SNX27: variants seen among roughly 807,000 people sequenced by gnomAD.
SNX27 encodes sorting nexin-27.
A neutral mutation model predicts 71.6 loss-of-function variants in SNX27; 22 were observed. That is an observed-to-expected ratio of 0.31 (90% CI 0.22 to 0.44). The LOEUF (loss-of-function observed/expected upper bound fraction) is 0.44, where lower values mean the gene tolerates loss of function less well. Ranked by LOEUF, SNX27 falls within the 20% of genes least tolerant of loss-of-function variation. The pLI is 1.00. For synonymous variants in SNX27, 269 were observed against 277.2 expected (o/e 0.97, Z 0.29); for missense variants, 531 against 698.6 (o/e 0.76, Z 2.70).
rs560433237 is a variant in SNX27 at position 151,612,797 on chromosome 1, G to T, written c.311+285G>T. On this transcript the variant is annotated intron_variant, in intron 1 of 11. Transcript: ENST00000458013. The surrounding 1 kb of genome is among the most constrained non-coding windows in gnomAD (Gnocchi z 5.2). ...CCCCGATTACTCTGGGCTCTTCTCCGCCCCTTTGCCTTCCCGTTTGGCGTG... is the reference window on the plus strand; with the variant it reads ...CCCCGATTACTCTGGGCTCTTCTCCTCCCCTTTGCCTTCCCGTTTGGCGTG... Among the ~76,000 whole-genome samples, 3 of 151,958 alleles carry T rather than the reference G, an allele frequency of 2.0e-5. No homozygotes were observed. Among genetic ancestry groups the T allele is most frequent in the South Asian group, 4.1e-4 (2 of 4,820 alleles).
chr1:151,685,998 C>T (rs1204346126), intron 8 of SNX27, among the ~76,000 whole-genome samples: 2 of 152,154 alleles, frequency 1.3e-5, no homozygotes, highest in Non-Finnish European at 2.9e-5. Flanking sequence ...GCATTGTCTT[C>T]TATATATTAA....
intron 1 of SNX27, among the ~76,000 whole-genome samples, chr1:151,638,136 G>A (rs1305295204): frequency 6.6e-6 from 1 of 152,188 alleles, no homozygotes; most frequent in African/African-American, 2.4e-5. Context: ...AAACAGGAAG[G>A]AAAATTAGTA....
chr1:151,632,526 A>C (rs1391306325), intron 1 of SNX27, among the ~76,000 whole-genome samples: 1 of 152,232 alleles, frequency 6.6e-6, no homozygotes, highest in Non-Finnish European at 1.5e-5. Context: ...ATTAAGACAA[A>C]AAAGCCAAAG....
rs76803336 is a variant in SNX27, at chr1:151,646,882, G to GACACACAC, written c.543+7777_543+7784dup. ...CTCTCTGTTGCCCAGGCTGGACACA[G>GACACACAC]ACACACACACACACACACACAAACA... is the stretch of plus-strand genomic sequence containing the variant. On this transcript the variant is annotated intron_variant, in intron 2 of 11. Transcript: ENST00000458013. 8.7e-3 allele frequency among the ~76,000 whole-genome samples: 1,300 copies of GACACACAC among 148,656 alleles called. 13 individuals carry two copies. The highest frequency in any genetic ancestry group is 0.028 in the African/African-American group (1,156 of 40,566).
At chr1:151,688,122 A>G (rs548267243) in intron 8 of SNX27, among the ~76,000 whole-genome samples, 1 of 152,184 alleles carries the variant, frequency 6.6e-6, no homozygotes, top group Non-Finnish European at 1.5e-5. Context: ...TTCGGGATAC[A>G]TAGTTACTCA....
intron 1 of SNX27, among the ~76,000 whole-genome samples, chr1:151,619,420 C>T (rs1667570365): frequency 6.6e-6 from 1 of 152,190 alleles, no homozygotes; most frequent in Admixed American, 6.6e-5. Context: ...TCACCTTAGC[C>T]TTCCAGAAAG....
intron 7 of SNX27, among the ~76,000 whole-genome samples, chr1:151,671,619 T>C (rs1210216163): frequency 2.0e-5 from 3 of 152,088 alleles, no homozygotes; most frequent in African/African-American, 7.2e-5. Flanking sequence ...GTTTTTTTTT[T>C]CTATTTTTGT....
At chr1:151,656,223 C>CAA (rs71093203) in intron 2 of SNX27, among the ~76,000 whole-genome samples, 849 of 77,100 alleles carry the variant, frequency 0.011, 26 homozygotes, top group African/African-American at 0.035. Context: ...GACTCCGTCT[C>CAA]AAAAAAAAAA....
chr1:151,670,075 C>G (rs1670392847), intron 7 of SNX27, among the ~76,000 whole-genome samples: 1 of 152,130 alleles, frequency 6.6e-6, no homozygotes, highest in South Asian at 2.1e-4. Context: ...TGGTAACCAT[C>G]CTACTCTCTA....
At position 151,612,098 on chromosome 1, in the gene SNX27, T is replaced by A; in HGVS notation, c.-104T>A. 8.3e-7 allele frequency: 1 copy of A among 1,202,894 alleles called. No homozygotes were observed. The highest frequency in any genetic ancestry group is 2.7e-5 in the South Asian group (1 of 36,688). The allele number at this position is 1,202,894 out of a possible 1,614,324, so 74.5% of individuals were successfully genotyped here. ...CCGAGTCGGTCCCGCGGCCGGCGGA[T>A]CGGGCGCGCGCGTCGGGGGTCGTCC... is the stretch of plus-strand genomic sequence containing the variant. On this transcript the variant is annotated 5_prime_UTR_variant, in exon 1 of 12. Transcript: ENST00000458013. The surrounding 1 kb of genome is among the most constrained non-coding windows in gnomAD (Gnocchi z 5.2).
At chr1:151,638,506 G>A (rs1027050100) in intron 1 of SNX27, among the ~76,000 whole-genome samples, 1 of 152,192 alleles carries the variant, frequency 6.6e-6, no homozygotes, top group Non-Finnish European at 1.5e-5. Context: ...AATTCAAGTG[G>A]CAGGGCTGTC....
intron 1 of SNX27, among the ~76,000 whole-genome samples, chr1:151,622,339 A>G (rs1287091110): frequency 6.6e-6 from 1 of 152,182 alleles, no homozygotes; most frequent in Non-Finnish European, 1.5e-5. Context: ...AATTGAATAT[A>G]TAGGAAATGG....
At chr1:151,648,626 C>G (rs1308749554) in intron 2 of SNX27, among the ~76,000 whole-genome samples, 1 of 152,050 alleles carries the variant, frequency 6.6e-6, no homozygotes, top group East Asian at 1.9e-4. Flanking sequence ...TCCATGTTGT[C>G]CAAGCTGGTC....
At chr1:151,658,535 C>A in intron 3 of SNX27, 108 bp downstream of exon 3, 2 of 1,127,318 alleles carry the variant, frequency 1.8e-6, no homozygotes, top group Non-Finnish European at 2.5e-6. Flanking sequence ...GAATGTAAGT[C>A]AGGTTTCTGA....
intron 6 of SNX27, chr1:151,666,405 A>G (rs1670191047): frequency 6.4e-6 from 1 of 155,898 alleles, no homozygotes; most frequent in African/African-American, 2.4e-5. Context: ...TTAGGAAGAT[A>G]TGTGTTGGTT....
intron 1 of SNX27, among the ~76,000 whole-genome samples, chr1:151,623,298 A>G (rs922044614): frequency 6.6e-6 from 1 of 152,104 alleles, no homozygotes; most frequent in Admixed American, 6.6e-5. Flanking sequence ...GGGCCACCAT[A>G]CTTGGCTAAT....
rs886333031 is a variant in SNX27 at position 151,644,335 on chromosome 1, C to T, written c.543+5216C>T. Reference sequence around the variant, plus strand: ...CAATTCTAGGAAAGCACTAATCTATCCTCTGTCTTATAGATTTGCGTATTC... The same window carrying T: ...CAATTCTAGGAAAGCACTAATCTATTCTCTGTCTTATAGATTTGCGTATTC... On this transcript the variant is annotated intron_variant, in intron 2 of 11. Transcript: ENST00000458013. Among the ~76,000 whole-genome samples, 12 of 152,318 alleles carry T rather than the reference C, an allele frequency of 7.9e-5. No individual in the cohort carries two copies. In the South Asian group the frequency reaches 2.5e-3, roughly 32 times the overall value.
intron 5 of SNX27, among the ~76,000 whole-genome samples, chr1:151,664,127 GAT>G (rs1027500506): frequency 6.9e-6 from 1 of 145,936 alleles, no homozygotes; most frequent in African/African-American, 2.5e-5. Context: ...AATAACATAT[GAT>G]ATGTTACATA....
intron 2 of SNX27, among the ~76,000 whole-genome samples, chr1:151,645,129 T>C (rs565327450): frequency 6.6e-6 from 1 of 152,292 alleles, no homozygotes; most frequent in Admixed American, 6.5e-5. Flanking sequence ...TGTTTTTATA[T>C]GGATATCCAG....
Sources: gnomAD v4.1 joint callset for allele counts (sites outside exome capture counted in the v4.1 genomes callset) on GRCh38, gnomAD v4.1.1 for gene constraint, Gnocchi (gnomAD v3.1) non-coding constraint, MANE v1.5 for transcripts, NCBI Gene and HGNC (gene_info 2026-07-23, HGNC 2026-07-21) for gene names.